Variants in AKAP6 observed in about 807,000 individuals in gnomAD.
AKAP6 encodes A-kinase anchoring protein 6, also known as A-kinase anchor protein 6.
A neutral mutation model predicts 188.5 loss-of-function variants in AKAP6; 58 were observed. The observed-to-expected ratio is 0.31, with a 90% CI of 0.25 to 0.38. AKAP6 has a LOEUF of 0.38. Among genes scored for constraint, AKAP6 ranks in the 10% least tolerant of loss-of-function variants. The probability of loss-of-function intolerance (pLI) is 1.00; values close to 1 mark genes in which losing one functional copy is unlikely to be tolerated. For synonymous variants in AKAP6, 989 were observed against 998.6 expected, an observed-to-expected ratio of 0.99 and a Z score of 0.18; for missense variants, 2,710 against 2,740.0, an observed-to-expected ratio of 0.99 and a Z score of 0.24.
chr14:32,709,294 T>C (rs564980021), intron 9 of AKAP6, among the ~76,000 whole-genome samples: 2 of 150,952 alleles, frequency 1.3e-5, no homozygotes, highest in South Asian at 2.1e-4. Flanking sequence ...AGAAAGCTGA[T>C]TGGAGCATTG....
intron 11 of AKAP6, among the ~76,000 whole-genome samples, chr14:32,750,750 T>TTTG (rs397835626): frequency 4.3e-4 from 61 of 142,480 alleles, no homozygotes; most frequent in Non-Finnish European, 8.1e-4. Flanking sequence ...TTTTTTTTTT[T>TTTG]GTTTTTTTTT....
chr14:32,652,683 A>G (rs886294331), intron 7 of AKAP6, among the ~76,000 whole-genome samples: 6 of 152,184 alleles, frequency 3.9e-5, no homozygotes, highest in African/African-American at 1.4e-4. Context: ...CTCTACTGCT[A>G]TCCCCTAGGC....
In AKAP6 at chr14:32,824,708, A is replaced by G; in HGVS notation, c.6895A>G (p.Thr2299Ala). Residue 2299 changes from threonine (T) to alanine (A), a missense_variant, in exon 13 of 14, where the codon ACT becomes GCT. Thr to Ala is a moderately conservative substitution (Grantham distance 58). Transcript: ENST00000280979. ...DKAALHPSPK[T>A]LTCEENLLNL... ...GGCCGCATTGCATCCCAGCCCCAAA[A>G]CTTTAACCTGTGAAGAAAATCTTCT... is the stretch of plus-strand genomic sequence containing the variant. 2.5e-6 allele frequency: 4 copies of G among 1,613,720 alleles called. No individual in the cohort carries two copies. Among genetic ancestry groups the G allele is most frequent in the Non-Finnish European group, 3.4e-6 (4 of 1,179,888 alleles).
intron 5 of AKAP6, among the ~76,000 whole-genome samples, chr14:32,591,167 G>A (rs1885470019): frequency 6.6e-6 from 1 of 152,116 alleles, no homozygotes; most frequent in South Asian, 2.1e-4. Context: ...CACCTCAGGG[G>A]GTAGAGAAAT....
chr14:32,557,667 G>A (rs564874612), intron 4 of AKAP6, among the ~76,000 whole-genome samples: 1 of 152,288 alleles, frequency 6.6e-6, no homozygotes, highest in East Asian at 1.9e-4. Context: ...ATCCTTATCA[G>A]GAAGCGTCTT....
At chr14:32,540,168 C>CTCTCTCTCTCTCTATATATATA (rs1240063339) in intron 3 of AKAP6, among the ~76,000 whole-genome samples, 4 of 60,920 alleles carry the variant, frequency 6.6e-5, no homozygotes, top group African/African-American at 3.9e-4. Context: ...CTCTCTCTCT[C>CTCTCTCTCTCTCTATATATATA]TATATATATA....
chr14:32,818,248 G>T (rs148730773), intron 12 of AKAP6, among the ~76,000 whole-genome samples: 1 of 152,022 alleles, frequency 6.6e-6, no homozygotes, highest in Non-Finnish European at 1.5e-5. Flanking sequence ...GTTAATAAAA[G>T]AACAGTATTA....
At position 32,800,141 on chromosome 14, in the gene AKAP6, C is replaced by T. The variant is rs991927183; in HGVS notation, c.3589-21261C>T. ...ACATATATATACACACATATATATA[C>T]ACACATATATACATATATATACACA... On this transcript the variant is annotated intron_variant, in intron 12 of 13. Coordinates refer to ENST00000280979, the MANE Select transcript of AKAP6 (RefSeq NM_004274.5). Among the ~76,000 whole-genome samples the T allele has an allele frequency of 8.3e-5, 10 of 121,170 alleles. No homozygotes were observed. In the East Asian group the frequency reaches 2.0e-3, roughly 24 times the overall value. The allele number at this position is 121,170 out of a possible 152,430, so 79.5% of individuals were successfully genotyped here.
intron 9 of AKAP6, 100 bp downstream of exon 9, chr14:32,696,210 T>G: frequency 7.1e-7 from 1 of 1,409,680 alleles, no homozygotes; most frequent in South Asian, 1.6e-5. Flanking sequence ...TCATTGTATG[T>G]ATCATGGTGT....
intron 1 of AKAP6, among the ~76,000 whole-genome samples, chr14:32,392,354 G>T (rs1173586557): frequency 6.6e-6 from 1 of 152,122 alleles, no homozygotes; most frequent in African/African-American, 2.4e-5. Context: ...AAGAAGGAAG[G>T]CTGGAATGAC....
At chr14:32,700,422 C>G (rs74448682) in intron 9 of AKAP6, among the ~76,000 whole-genome samples, 1 of 152,148 alleles carries the variant, frequency 6.6e-6, no homozygotes, top group Non-Finnish European at 1.5e-5. Context: ...ATGAAGCTCA[C>G]TGAAACACCC....
chr14:32,748,072 G>A (rs905966091), intron 11 of AKAP6, among the ~76,000 whole-genome samples: 1 of 152,186 alleles, frequency 6.6e-6, no homozygotes, highest in African/African-American at 2.4e-5. Context: ...TGAAACCAGA[G>A]AATGAATGTT....
At chr14:32,518,739 G>A (rs911253207) in intron 2 of AKAP6, among the ~76,000 whole-genome samples, 5 of 152,288 alleles carry the variant, frequency 3.3e-5, no homozygotes, top group South Asian at 2.1e-4. Context: ...TGAAAGTGAC[G>A]GGGAGAATGG....
At position 32,823,349 on chromosome 14, in the gene AKAP6, G is replaced by A; in HGVS notation, c.5536G>A (p.Glu1846Lys). The A allele has an allele frequency of 6.2e-7, 1 of 1,613,750 alleles. No homozygotes were observed. The highest frequency in any genetic ancestry group is 1.3e-5 in the African/African-American group (1 of 74,968). Residue 1846 changes from glutamate (E) to lysine (K), a missense_variant, in exon 13 of 14, where the codon GAG (glutamate) becomes AAG (lysine). Physicochemically the swap from Glu to Lys is moderately conservative, Grantham distance 56. Around this residue, in one of 2 missense-constraint regions of AKAP6, gnomAD observed 2,473 missense variants for 2,426.1 expected, o/e 1.02. Transcript: ENST00000280979. The part of the protein sequence containing the change: ...MTNPSDTLNI[E>K]TLLNGSVKRV... ...CAATCCCTCTGATACTCTGAATATT[G>A]AGACCCTTCTAAATGGCTCTGTAAA... is the stretch of plus-strand genomic sequence containing the variant.
At chr14:32,382,984 C>T (rs1305880372) in intron 1 of AKAP6, among the ~76,000 whole-genome samples, 1 of 151,944 alleles carries the variant, frequency 6.6e-6, no homozygotes, top group Non-Finnish European at 1.5e-5. Flanking sequence ...ATCACCAGAG[C>T]CCTACAACCC....
intron 3 of AKAP6, among the ~76,000 whole-genome samples, chr14:32,540,645 A>T (rs1882906830): frequency 6.6e-6 from 1 of 152,202 alleles, no homozygotes; most frequent in Admixed American, 6.5e-5. Flanking sequence ...CCCTAACTCC[A>T]TATCTTCCTG....
chr14:32,613,283 G>A (rs73259190), intron 7 of AKAP6, among the ~76,000 whole-genome samples: 2,112 of 152,252 alleles, frequency 0.014, 45 homozygotes, highest in African/African-American at 0.046. Context: ...GAGCAAATAC[G>A]GAATTTCACT....
At chr14:32,430,942 T>C (rs11847762) in intron 1 of AKAP6, among the ~76,000 whole-genome samples, 2,108 of 151,998 alleles carry the variant, frequency 0.014, 42 homozygotes, top group African/African-American at 0.048. Flanking sequence ...CTGTCTCTAC[T>C]AAAAAAAGTA....
In AKAP6 at chr14:32,835,333, A is replaced by G. The variant is rs1271013768; in HGVS notation, c.*5528A>G. On this transcript the variant is annotated 3_prime_UTR_variant, in exon 14 of 14. Coordinates refer to ENST00000280979, the MANE Select transcript of AKAP6 (RefSeq NM_004274.5). ...AACTTGTTTCATATTACCTTAAAAA[A>G]TAAAGTGCACTTAAAGATTGTTTCA... 6.6e-6 allele frequency: 1 copy of G among 152,172 alleles called. No homozygotes were observed. The highest frequency in any genetic ancestry group is 6.5e-5 in the Admixed American group (1 of 15,276). 9.4% of individuals were successfully genotyped at this position (152,172 alleles called of 1,614,324 possible). A position where few individuals can be genotyped will look rare whatever the true frequency, so the allele number is the denominator to read the frequency against.
Sources: allele counts gnomAD v4.1 joint callset (sites outside exome capture counted in the v4.1 genomes callset), GRCh38; gene constraint gnomAD v4.1.1; regional missense constraint gnomAD v4.1.1; transcripts MANE v1.5; gene names NCBI Gene and HGNC (gene_info 2026-07-23, HGNC 2026-07-21).